SCAF8: variants seen among roughly 807,000 people sequenced by gnomAD.
SCAF8 encodes the protein SR-related CTD associated factor 8.
SCAF8 carries 23 observed loss-of-function variants against 140.5 expected under a neutral mutation model. The observed-to-expected ratio is 0.16, with a 90% CI of 0.12 to 0.23. The LOEUF (loss-of-function observed/expected upper bound fraction) is 0.23, where lower values mean the gene tolerates loss of function less well. SCAF8 is among the 10% of genes least tolerant of loss of function. SCAF8 has a pLI of 1.00. For missense variants in SCAF8, 1,397 were observed against 1,555.7 expected (o/e 0.90, Z 1.72); for synonymous variants, 575 against 528.9 (o/e 1.09, Z -1.20).
intron 1 of SCAF8, among the ~76,000 whole-genome samples, chr6:154,764,224 G>T (rs1328473081): frequency 2.0e-5 from 3 of 151,392 alleles, no homozygotes; most frequent in Non-Finnish European, 4.4e-5. Flanking sequence ...GAAACATAAA[G>T]AATGAATTAA....
In SCAF8 at chr6:154,796,389, C is replaced by CTCTCTCTCTCTCTG. The variant is rs376622207; in HGVS notation, c.606+1253_606+1254insCTCTCTCTCTGTCT. Among the ~76,000 whole-genome samples, 396 of 141,032 alleles carry CTCTCTCTCTCTCTG rather than the reference C, an allele frequency of 2.8e-3. 3 individuals are homozygous for CTCTCTCTCTCTCTG. Among genetic ancestry groups the CTCTCTCTCTCTCTG allele is most frequent in the African/African-American group, 9.2e-3 (334 of 36,358 alleles). 92.5% of individuals were successfully genotyped at this position (141,032 alleles called of 152,430 possible). A position where few individuals can be genotyped will look rare whatever the true frequency, so the allele number is the denominator to read the frequency against. ...TCTCTCTCTCTCTCTCTCTCTCTCT[C>CTCTCTCTCTCTCTG]TCTGTCTCTCTCTTTTTCTGACCCT... On this transcript the variant is annotated intron_variant, in intron 6 of 19. Coordinates refer to ENST00000367178, the MANE Select transcript of SCAF8 (RefSeq NM_014892.5).
chr6:154,794,809 G>GTGTGTGTGTGT (rs1777550065), intron 5 of SCAF8, among the ~76,000 whole-genome samples, 200 bp from the exon 6 acceptor site: 1 of 83,668 alleles, frequency 1.2e-5, no homozygotes, highest in African/African-American at 4.4e-5. Context: ...GTGTGTGTGT[G>GTGTGTGTGTGT]TGTGTGTGTG....
chr6:154,747,501 A>G (rs561119491), intron 1 of SCAF8, among the ~76,000 whole-genome samples: 101 of 152,154 alleles, frequency 6.6e-4, no homozygotes, highest in Non-Finnish European at 1.1e-3. Flanking sequence ...ACAGAGCAAG[A>G]CCCTATCTCA....
chr6:154,781,025 C>G (rs910868519), intron 3 of SCAF8, among the ~76,000 whole-genome samples: 1 of 152,084 alleles, frequency 6.6e-6, no homozygotes, highest in East Asian at 1.9e-4. Context: ...CACAGCCTCA[C>G]CAGCATCGGT....
Position 154,808,801 on chromosome 6 carries a change from T to A in SCAF8, c.1226+3T>A. ...ACACATTCACGATCTCGTTCAAGGT[T>A]CTACAATGATATTTAATAATAGCCG... On this transcript the variant is annotated splice_donor_region_variant and intron_variant, in intron 11 of 19. Transcript: ENST00000367178. 1 of 1,586,800 alleles carries A rather than the reference T, an allele frequency of 6.3e-7. No homozygotes were observed. The highest frequency in any genetic ancestry group is 8.7e-7 in the Non-Finnish European group (1 of 1,155,566).
At position 154,733,668 on chromosome 6, in the gene SCAF8, C is replaced by T. The variant is rs1408843576; in HGVS notation, c.-233C>T. The T allele has an allele frequency of 3.8e-6, 5 of 1,307,862 alleles. No individual in the cohort carries two copies. The East Asian group carries it at 9.5e-5, about 25-fold the overall frequency. The allele number at this position is 1,307,862 out of a possible 1,614,324, so 81.0% of individuals were successfully genotyped here. A position where few individuals can be genotyped will look rare whatever the true frequency, so the allele number is the denominator to read the frequency against. ...ACCCGCCCCGGCAGCGCCTCTGTTC[C>T]CTAGAACGGCGCTCCCCCCGCCCTA... On this transcript the variant is annotated 5_prime_UTR_variant, in exon 1 of 20. Transcript: ENST00000367178.
chr6:154,741,511 A>C (rs1051786137), intron 1 of SCAF8, among the ~76,000 whole-genome samples: 1 of 151,986 alleles, frequency 6.6e-6, no homozygotes, highest in African/African-American at 2.4e-5. Flanking sequence ...GGTTCAAGCA[A>C]TTCTCCTGCC....
At chr6:154,755,095 C>T (rs1738200455) in intron 1 of SCAF8, among the ~76,000 whole-genome samples, 1 of 152,076 alleles carries the variant, frequency 6.6e-6, no homozygotes, top group African/African-American at 2.4e-5. Flanking sequence ...AATGTATATT[C>T]TGCATCCTTC....
chr6:154,827,168 C>G lies in SCAF8; in HGVS notation c.2072-4C>G. The G allele has an allele frequency of 6.3e-7, 1 of 1,595,922 alleles. No individual in the cohort carries two copies. The highest frequency in any genetic ancestry group is 8.5e-7 in the Non-Finnish European group (1 of 1,173,328). On this transcript the variant is annotated splice_polypyrimidine_tract_variant and splice_region_variant and intron_variant, in intron 17 of 19. Transcript: ENST00000367178. ...TATTTTTTGGGGTTTTTTTTTCTGT[C>G]TAGGTTTCATGCCGCCTCCAGTTCC...
chr6:154,745,173 C>A (rs1322872791), intron 1 of SCAF8, among the ~76,000 whole-genome samples: 1 of 152,094 alleles, frequency 6.6e-6, no homozygotes, highest in African/African-American at 2.4e-5. Context: ...TCTTGTATGA[C>A]CTTTGAGATG....
chr6:154,800,789 G>A (rs1777751085), intron 6 of SCAF8, among the ~76,000 whole-genome samples: 1 of 151,532 alleles, frequency 6.6e-6, no homozygotes, highest in Admixed American at 6.6e-5. Flanking sequence ...TTTTGAGACA[G>A]TTGGGAAACT....
chr6:154,793,905 G>GTGTGTGTGTGTGTA (rs139514724), intron 5 of SCAF8, among the ~76,000 whole-genome samples: 46 of 149,448 alleles, frequency 3.1e-4, no homozygotes, highest in African/African-American at 7.2e-4. Context: ...TGTATTTTGT[G>GTGTGTGTGTGTGTA]TGTGTGTGTG....
intron 1 of SCAF8, among the ~76,000 whole-genome samples, chr6:154,773,313 C>T (rs1179473692): frequency 6.6e-6 from 1 of 152,164 alleles, no homozygotes; most frequent in Non-Finnish European, 1.5e-5. Flanking sequence ...TAATATGCTG[C>T]CTTTTTCACC....
intron 15 of SCAF8, among the ~76,000 whole-genome samples, chr6:154,820,820 T>C (rs1455467055): frequency 6.6e-6 from 1 of 152,212 alleles, no homozygotes; most frequent in African/African-American, 2.4e-5. Flanking sequence ...CTGCTTTTTT[T>C]TAATCCCCAA....
intron 1 of SCAF8, among the ~76,000 whole-genome samples, chr6:154,760,321 AT>A (rs1162126257): frequency 6.6e-6 from 1 of 151,956 alleles, no homozygotes; most frequent in Non-Finnish European, 1.5e-5. Flanking sequence ...ATTCTGGCTC[AT>A]TTTCTTTTCT....
At chr6:154,793,992 G>GCTCA (rs1320254067) in intron 5 of SCAF8, among the ~76,000 whole-genome samples, 12 of 151,884 alleles carry the variant, frequency 7.9e-5, no homozygotes, top group African/African-American at 2.9e-4. Context: ...TGTGATCATA[G>GCTCA]CTCACTGCAG....
At chr6:154,777,904 G>A (rs2114852227) in intron 2 of SCAF8, 97 bp from the exon 3 acceptor site, 1 of 720,772 alleles carries the variant, frequency 1.4e-6, no homozygotes, top group East Asian at 2.7e-5. Context: ...TAATTGTTTT[G>A]ATAGACCTTT....
chr6:154,802,162 A>G lies in SCAF8; in HGVS notation c.783+15A>G. 6.5e-7 allele frequency: 1 copy of G among 1,528,778 alleles called. No homozygotes were observed. The highest frequency in any genetic ancestry group is 8.9e-7 in the Non-Finnish European group (1 of 1,128,042). 94.7% of individuals were successfully genotyped at this position (1,528,778 alleles called of 1,614,324 possible). ...CCTTTAACAAGGTAGAAATTAAAAT[A>G]TCGGATCAAGTCTATATGAATTATT... On this transcript the variant is annotated intron_variant, in intron 7 of 19. Coordinates refer to ENST00000367178, the MANE Select transcript of SCAF8 (RefSeq NM_014892.5).
At chr6:154,770,026 G>GT (rs1776690887) in intron 1 of SCAF8, among the ~76,000 whole-genome samples, 1 of 152,180 alleles carries the variant, frequency 6.6e-6, no homozygotes, top group Non-Finnish European at 1.5e-5. Context: ...TTGGTGAGAA[G>GT]ACGGGCATAC....
Sources: allele counts gnomAD v4.1 joint callset (sites outside exome capture counted in the v4.1 genomes callset), GRCh38; gene constraint gnomAD v4.1.1; transcripts MANE v1.5; gene names NCBI Gene and HGNC (gene_info 2026-07-23, HGNC 2026-07-21).